Variants in HMCN1 observed in about 807,000 individuals in gnomAD.
The protein encoded by HMCN1 is hemicentin 1.
A neutral mutation model predicts 625.9 loss-of-function variants in HMCN1; 321 were observed. The observed-to-expected ratio is 0.51, with a 90% confidence interval of 0.47 to 0.56. The LOEUF (loss-of-function observed/expected upper bound fraction) is 0.56, where lower values mean the gene tolerates loss of function less well. Among genes scored for constraint, HMCN1 ranks in the 20% least tolerant of loss-of-function variants. The pLI is 0.00. For synonymous variants in HMCN1, 2,425 were observed against 2,417.6 expected, an observed-to-expected ratio of 1.00 and a Z score of -0.09; for missense variants, 6,588 against 6,887.3, an observed-to-expected ratio of 0.96 and a Z score of 1.54.
chr1:186,002,721 G>A (rs74134278), intron 28 of HMCN1, among the ~76,000 whole-genome samples: 3,753 of 152,008 alleles, frequency 0.025, 149 homozygotes, highest in African/African-American at 0.086. Flanking sequence ...TTTCTCCATA[G>A]TATTGTGACT....
At chr1:185,758,423 C>T (rs150398244) in intron 1 of HMCN1, among the ~76,000 whole-genome samples, 3,448 of 152,158 alleles carry the variant, frequency 0.023, 122 homozygotes, top group African/African-American at 0.074. Flanking sequence ...CTTACTTGAG[C>T]TCAGGAGTTC....
At chr1:186,063,088 A>ATATATC (rs1553285861) in intron 48 of HMCN1, among the ~76,000 whole-genome samples, 1 of 124,272 alleles carries the variant, frequency 8.0e-6, no homozygotes, top group Non-Finnish European at 1.6e-5. Context: ...ATATATATAT[A>ATATATC]TATATATATA....
intron 105 of HMCN1, among the ~76,000 whole-genome samples, chr1:186,186,293 G>C (rs983782471): frequency 6.6e-6 from 1 of 152,142 alleles, no homozygotes. Context: ...ATGGGAGGCC[G>C]AGGTGGGTGG....
chr1:186,016,610 T>A (rs1404912125), intron 32 of HMCN1, among the ~76,000 whole-genome samples: 1 of 152,060 alleles, frequency 6.6e-6, no homozygotes, highest in Non-Finnish European at 1.5e-5. Context: ...AAACTCAGTA[T>A]CTTTATCTAT....
intron 1 of HMCN1, among the ~76,000 whole-genome samples, chr1:185,779,642 AG>A (rs1656906942): frequency 1.3e-5 from 2 of 152,208 alleles, no homozygotes; most frequent in South Asian, 4.1e-4. Context: ...GGTTTGTCAA[AG>A]ATCAGATGGC....
At chr1:185,814,932 T>C (rs1446554666) in intron 1 of HMCN1, among the ~76,000 whole-genome samples, 1 of 149,994 alleles carries the variant, frequency 6.7e-6, no homozygotes, top group African/African-American at 2.5e-5. Flanking sequence ...CCTCAAGTGA[T>C]CCACCCACCT....
In HMCN1 at chr1:185,745,329, C is replaced by A. The variant is rs548205970; in HGVS notation, c.268+10282C>A. ...TTAGTTCATTCTATACTTGAATAAC[C>A]AGCCCACGCATCAGCAGTCTTTCTA... On this transcript the variant is annotated intron_variant, in intron 1 of 106. Transcript: ENST00000271588. 2.0e-5 allele frequency among the ~76,000 whole-genome samples: 3 copies of A among 152,266 alleles called. No homozygotes were observed. The East Asian group carries it at 5.8e-4, about 29-fold the overall frequency.
In HMCN1 at chr1:185,963,650, G is replaced by A. The variant is rs187215382; in HGVS notation, c.1971-118G>A. 570 of 742,912 alleles carry A rather than the reference G, an allele frequency of 7.7e-4. 1 individual carries two copies. In the African/African-American group the frequency reaches 9.1e-3, roughly 12 times the overall value. The allele number at this position is 742,912 out of a possible 1,614,324, so 46.0% of individuals were successfully genotyped here. A position where few individuals can be genotyped will look rare whatever the true frequency, so the allele number is the denominator to read the frequency against. On this transcript the variant is annotated intron_variant, in intron 12 of 106. Coordinates refer to ENST00000271588, the MANE Select transcript of HMCN1 (RefSeq NM_031935.3). ...AATGATGGTAACCATTTCTGCAATC[G>A]ACACCAAAAATATAACTCTACAACG...
At chr1:185,829,583 T>C (rs1017707606) in intron 1 of HMCN1, among the ~76,000 whole-genome samples, 5 of 152,206 alleles carry the variant, frequency 3.3e-5, no homozygotes, top group African/African-American at 1.2e-4. Context: ...GCAAAGGACA[T>C]GATCTCATTC....
chr1:185,971,319 G>A (rs1225627741), intron 15 of HMCN1, among the ~76,000 whole-genome samples: 3 of 152,198 alleles, frequency 2.0e-5, no homozygotes, highest in African/African-American at 4.8e-5. Context: ...ACAAAAAAAT[G>A]TCAATCATAA....
intron 83 of HMCN1, 32 bp from the exon 84 acceptor site, chr1:186,129,934 G>C (rs774629772): frequency 6.2e-7 from 1 of 1,611,990 alleles, no homozygotes; most frequent in Non-Finnish European, 8.5e-7. Context: ...AGGTTACTGA[G>C]AGGCACTTGT....
At chr1:185,843,967 G>A (rs1661650199) in intron 1 of HMCN1, among the ~76,000 whole-genome samples, 1 of 152,082 alleles carries the variant, frequency 6.6e-6, no homozygotes, top group Admixed American at 6.6e-5. Context: ...TATTACTATA[G>A]GGAATGTCCT....
At position 186,062,554 on chromosome 1, in the gene HMCN1, G is replaced by C; in HGVS notation, c.7467G>C (p.Val2489=). ...TGGGTGAAAATACATTGGAAGATGTGAAGGTAAAAGAGAAACAGAGTGTTA... is the reference window on the plus strand; with the variant it reads ...TGGGTGAAAATACATTGGAAGATGTCAAGGTAAAAGAGAAACAGAGTGTTA... ...HIVGENTLED[V]KVKEKQSVTL... The change falls in exon 48 of 107, where the codon GTG becomes GTC. Residue 2489 remains valine (V), a synonymous_variant. Transcript: ENST00000271588. 6.2e-7 allele frequency: 1 copy of C among 1,612,958 alleles called. No individual in the cohort carries two copies. The highest frequency in any genetic ancestry group is 8.5e-7 in the Non-Finnish European group (1 of 1,179,156).
At chr1:185,861,297 T>A (rs755188225) in intron 2 of HMCN1, among the ~76,000 whole-genome samples, 7 of 152,222 alleles carry the variant, frequency 4.6e-5, no homozygotes, top group Non-Finnish European at 7.4e-5. Flanking sequence ...GTCCTCATGT[T>A]TGGCCCATAG....
intron 1 of HMCN1, among the ~76,000 whole-genome samples, chr1:185,839,938 C>T (rs1269063403): frequency 6.6e-6 from 1 of 152,164 alleles, no homozygotes; most frequent in Non-Finnish European, 1.5e-5. Flanking sequence ...GAATTCATCA[C>T]TGATTTTATA....
At chr1:186,040,673 T>C (rs780223302) in intron 39 of HMCN1, among the ~76,000 whole-genome samples, 67 of 152,162 alleles carry the variant, frequency 4.4e-4, no homozygotes, top group South Asian at 8.3e-4. Flanking sequence ...AAAGAAAAAT[T>C]AGAAAGAGAA....
rs531556476 is a variant in HMCN1 at position 186,164,460 on chromosome 1, G to A, written c.15257-651G>A. Among the ~76,000 whole-genome samples, 7 of 152,072 alleles carry A rather than the reference G, an allele frequency of 4.6e-5. No individual in the cohort carries two copies. In the South Asian group the frequency reaches 1.2e-3, roughly 27 times the overall value. ...GGGTTTCACCATGTTAGGCAGGATG[G>A]TCTCGATCTCCTGACCTTGTGATCC... On this transcript the variant is annotated intron_variant, in intron 97 of 106. Coordinates refer to ENST00000271588, the MANE Select transcript of HMCN1 (RefSeq NM_031935.3).
At chr1:186,179,184 G>C (rs979515122) in intron 104 of HMCN1, among the ~76,000 whole-genome samples, 1 of 152,086 alleles carries the variant, frequency 6.6e-6, no homozygotes, top group South Asian at 2.1e-4. Flanking sequence ...TCAGCTTCTC[G>C]GTCGACTGCT....
intron 103 of HMCN1, among the ~76,000 whole-genome samples, 154 bp downstream of exon 103, chr1:186,174,796 T>A (rs16825012): frequency 0.053 from 8,105 of 152,324 alleles, 540 homozygotes; most frequent in African/African-American, 0.16. Flanking sequence ...ACAATTTGGA[T>A]ACTTCTTCAG....
Sources: gnomAD v4.1 joint callset for allele counts (sites outside exome capture counted in the v4.1 genomes callset) on GRCh38, gnomAD v4.1.1 for gene constraint, MANE v1.5 for transcripts, NCBI Gene and HGNC (gene_info 2026-07-23, HGNC 2026-07-21) for gene names.